CNTNAP4: variants seen among roughly 807,000 people sequenced by gnomAD.
CNTNAP4 encodes the protein contactin-associated protein-like 4.
CNTNAP4 carries 98 observed loss-of-function variants against 148.4 expected under a neutral mutation model. The observed-to-expected ratio is 0.66, with a 90% CI of 0.56 to 0.78. The LOEUF (loss-of-function observed/expected upper bound fraction) is 0.78. CNTNAP4 is among the 30% of genes least tolerant of loss of function. CNTNAP4 has a pLI of 0.00. For synonymous variants in CNTNAP4, 730 were observed against 565.1 expected, an observed-to-expected ratio of 1.29 and a Z score of -4.14; for missense variants, 1,935 against 1,565.6, an observed-to-expected ratio of 1.24 and a Z score of -3.98.
rs138237664 is a variant in CNTNAP4 at position 76,340,934 on chromosome 16, C to T, written c.197-14384C>T. ...CCACTGTTTAGTATATCCTTTATAG[C>T]CCTTAAGATTGGCTCCTGCTCACCA... On this transcript the variant is annotated intron_variant, in intron 2 of 23. Coordinates refer to ENST00000611870, the MANE Select transcript of CNTNAP4 (RefSeq NM_033401.5). Among the ~76,000 whole-genome samples, 108 of 152,312 alleles carry T rather than the reference C, an allele frequency of 7.1e-4. 1 individual carries two copies. The highest frequency in any genetic ancestry group is 3.4e-3 in the Middle Eastern group (1 of 294).
At chr16:76,429,794 T>G (rs2079547109) in intron 4 of CNTNAP4, among the ~76,000 whole-genome samples, 2 of 152,172 alleles carry the variant, frequency 1.3e-5, no homozygotes, top group South Asian at 4.1e-4. Flanking sequence ...TTTGCTATAT[T>G]TGGGGTGAGC....
At chr16:76,319,299 TG>T (rs927425556) in intron 2 of CNTNAP4, among the ~76,000 whole-genome samples, 1 of 151,794 alleles carries the variant, frequency 6.6e-6, no homozygotes, top group African/African-American at 2.4e-5. Context: ...GGCTGAGGCA[TG>T]AGAATCGTTT....
intron 21 of CNTNAP4, among the ~76,000 whole-genome samples, chr16:76,546,093 C>T (rs576394708): frequency 5.9e-5 from 9 of 151,796 alleles, no homozygotes; most frequent in Non-Finnish European, 7.4e-5. Flanking sequence ...AATAAAGCCC[C>T]GATTAGGCAC....
intron 4 of CNTNAP4, among the ~76,000 whole-genome samples, chr16:76,438,266 C>G (rs539102810): frequency 6.6e-6 from 1 of 152,144 alleles, no homozygotes; most frequent in African/African-American, 2.4e-5. Flanking sequence ...CTCACATGCT[C>G]AAGGTGAAAT....
chr16:76,370,038 A>T (rs2014615789), intron 3 of CNTNAP4, among the ~76,000 whole-genome samples: 1 of 152,210 alleles, frequency 6.6e-6, no homozygotes, highest in Non-Finnish European at 1.5e-5. Flanking sequence ...ATATTTTGCC[A>T]GCTGTCTGGG....
chr16:76,532,289 C>A lies in CNTNAP4; in HGVS notation c.2756-3256C>A, dbSNP rs537824073. Among the ~76,000 whole-genome samples the A allele has an allele frequency of 5.9e-5, 9 of 152,332 alleles. 1 individual carries two copies. The highest frequency in any genetic ancestry group is 2.2e-4 in the African/African-American group (9 of 41,596). ...AAACTTCCTTGGAATGGAAGGCTAT[C>A]TGTGGGTCTGAATCCTGCCTCTGCC... On this transcript the variant is annotated intron_variant, in intron 17 of 23. Coordinates refer to ENST00000611870, the MANE Select transcript of CNTNAP4 (RefSeq NM_033401.5).
chr16:76,345,337 A>T (rs904908005), intron 2 of CNTNAP4, among the ~76,000 whole-genome samples: 18 of 152,190 alleles, frequency 1.2e-4, no homozygotes, highest in African/African-American at 4.1e-4. Context: ...GGGGAGTATG[A>T]TTCATTAGGC....
chr16:76,447,695 TTTA>T (rs1398026316), intron 4 of CNTNAP4, among the ~76,000 whole-genome samples: 1 of 152,206 alleles, frequency 6.6e-6, no homozygotes. Flanking sequence ...TATTCAACAC[TTTA>T]TTATAAAATG....
intron 3 of CNTNAP4, among the ~76,000 whole-genome samples, chr16:76,421,781 A>G (rs762093893): frequency 1.3e-5 from 2 of 152,178 alleles, no homozygotes; most frequent in African/African-American, 2.4e-5. Context: ...GGAGGTTATT[A>G]ATGACAAGGG....
At chr16:76,442,843 G>A (rs986169857) in intron 4 of CNTNAP4, among the ~76,000 whole-genome samples, 1 of 152,070 alleles carries the variant, frequency 6.6e-6, no homozygotes, top group Non-Finnish European at 1.5e-5. Flanking sequence ...TTTTGGTGGA[G>A]ACAAACCACA....
chr16:76,483,719 C>G (rs549728185), intron 12 of CNTNAP4, among the ~76,000 whole-genome samples: 1 of 152,212 alleles, frequency 6.6e-6, no homozygotes, highest in South Asian at 2.1e-4. Context: ...GACATTTGTT[C>G]ATAGTATGAG....
intron 12 of CNTNAP4, among the ~76,000 whole-genome samples, chr16:76,480,328 T>C (rs2143666530): frequency 6.6e-6 from 1 of 152,252 alleles, no homozygotes. Flanking sequence ...AATAAACTTT[T>C]AGGAGATCAT....
intron 3 of CNTNAP4, among the ~76,000 whole-genome samples, chr16:76,384,416 A>G (rs141558460): frequency 6.6e-6 from 1 of 152,260 alleles, no homozygotes; most frequent in African/African-American, 2.4e-5. Flanking sequence ...CATGAGGACC[A>G]AGCTGAATAA....
chr16:76,392,128 G>T (rs1400520879), intron 3 of CNTNAP4, among the ~76,000 whole-genome samples: 1 of 152,072 alleles, frequency 6.6e-6, no homozygotes, highest in Non-Finnish European at 1.5e-5. Context: ...CAAGAAGCTG[G>T]GATTACAGGC....
chr16:76,361,646 C>T (rs1263828783), intron 3 of CNTNAP4, among the ~76,000 whole-genome samples: 1 of 152,102 alleles, frequency 6.6e-6, no homozygotes, highest in African/African-American at 2.4e-5. Context: ...TCTTTGAGAT[C>T]CTGATTTCAG....
chr16:76,527,745 CAAAA>C (rs1398596309), intron 17 of CNTNAP4, among the ~76,000 whole-genome samples: 1 of 152,006 alleles, frequency 6.6e-6, no homozygotes, highest in Non-Finnish European at 1.5e-5. Context: ...AGATTTGTCA[CAAAA>C]AAGTAACTAT....
intron 3 of CNTNAP4, among the ~76,000 whole-genome samples, chr16:76,403,404 T>C (rs542899850): frequency 4.7e-4 from 72 of 152,290 alleles, no homozygotes; most frequent in African/African-American, 1.7e-3. Context: ...TGAACACTTT[T>C]CTAAAGAAGT....
At chr16:76,448,376 A>G (rs1230539581) in intron 5 of CNTNAP4, among the ~76,000 whole-genome samples, 161 bp downstream of exon 5, 1 of 137,106 alleles carries the variant, frequency 7.3e-6, no homozygotes, top group Non-Finnish European at 1.6e-5. Flanking sequence ...AAAATGGTTC[A>G]TATTTTGCAA....
At chr16:76,372,897 A>G (rs1292084858) in intron 3 of CNTNAP4, among the ~76,000 whole-genome samples, 6 of 152,222 alleles carry the variant, frequency 3.9e-5, no homozygotes, top group South Asian at 2.1e-4. Context: ...TCTTAAGGCT[A>G]TGAATTCCCA....
Sources: allele counts gnomAD v4.1 joint callset (sites outside exome capture counted in the v4.1 genomes callset), GRCh38; gene constraint gnomAD v4.1.1; transcripts MANE v1.5; gene names NCBI Gene and HGNC (gene_info 2026-07-23, HGNC 2026-07-21).